The following DACH2 variants were observed in gnomAD, a reference collection of about 807,000 sequenced individuals.
DACH2 encodes the protein dachshund family transcription factor 2.
A neutral mutation model predicts 35.8 loss-of-function variants in DACH2; 17 were observed. The observed-to-expected ratio is 0.48, with a 90% confidence interval of 0.33 to 0.71. DACH2 has a LOEUF of 0.71. Ranked by LOEUF, DACH2 falls within the 30% of genes least tolerant of loss-of-function variation. DACH2 has a pLI of 0.02. For synonymous variants in DACH2, 195 were observed against 177.3 expected (o/e 1.10, Z -0.79); for missense variants, 469 against 472.7 (o/e 0.99, Z 0.07).
chrX:86,775,788 G>A (rs1325946674), intron 7 of DACH2, among the ~76,000 whole-genome samples: 2 of 112,082 alleles, frequency 1.8e-5, no homozygotes, highest in Non-Finnish European at 3.8e-5. Context: ...CATCAAAAAT[G>A]TTTTTTAAAA....
chrX:86,157,969 T>G (rs982503030), intron 1 of DACH2, among the ~76,000 whole-genome samples: 1 of 110,943 alleles, frequency 9.0e-6, no homozygotes, highest in African/African-American at 3.3e-5. Flanking sequence ...GGTATATAGG[T>G]GCAATTACAG....
intron 4 of DACH2, among the ~76,000 whole-genome samples, chrX:86,684,499 T>C (rs1438441353): frequency 4.5e-5 from 5 of 111,101 alleles, no homozygotes; most frequent in African/African-American, 9.8e-5. Flanking sequence ...AATTATGTTA[T>C]GGGTAGGAAA....
intron 1 of DACH2, among the ~76,000 whole-genome samples, chrX:86,242,424 T>G (rs1048754173): frequency 8.9e-6 from 1 of 112,363 alleles, no homozygotes; most frequent in Non-Finnish European, 1.9e-5. Flanking sequence ...TTCTCCGTTT[T>G]GGAATGGTAG....
At chrX:86,261,086 C>A (rs780624982) in intron 1 of DACH2, among the ~76,000 whole-genome samples, 1 of 112,001 alleles carries the variant, frequency 8.9e-6, no homozygotes, top group South Asian at 3.7e-4. Context: ...GTCAGTGATT[C>A]AAATCCAGCT....
chrX:86,459,672 T>C (rs1602543875), intron 2 of DACH2, among the ~76,000 whole-genome samples: 1 of 111,582 alleles, frequency 9.0e-6, no homozygotes, highest in East Asian at 2.8e-4. Context: ...CCTGTAACTT[T>C]TCAGTTTACC....
intron 2 of DACH2, among the ~76,000 whole-genome samples, chrX:86,450,916 TG>T (rs756304364): frequency 9.0e-6 from 1 of 111,515 alleles, no homozygotes; most frequent in East Asian, 2.8e-4. Context: ...TTCATGGGGT[TG>T]TTTTTTTCTT....
At chrX:86,441,806 G>T (rs890362709) in intron 2 of DACH2, among the ~76,000 whole-genome samples, 1 of 105,690 alleles carries the variant, frequency 9.5e-6, no homozygotes, top group Non-Finnish European at 1.9e-5. Context: ...AGCAGCATTT[G>T]CTACTCCTTG....
intron 1 of DACH2, among the ~76,000 whole-genome samples, chrX:86,358,730 G>GA (rs11300879): frequency 6.5e-5 from 7 of 107,373 alleles, no homozygotes; most frequent in South Asian, 4.1e-4. Flanking sequence ...ATTGGTAAAA[G>GA]AAAAAAAAAA....
intron 2 of DACH2, among the ~76,000 whole-genome samples, chrX:86,381,127 CTA>C (rs1424334940): frequency 9.1e-6 from 1 of 109,605 alleles, no homozygotes; most frequent in Non-Finnish European, 1.9e-5. Context: ...AGGTTGTGGG[CTA>C]TGTGTGTCTT....
At chrX:86,337,973 G>C (rs79941963) in intron 1 of DACH2, among the ~76,000 whole-genome samples, 1 of 111,716 alleles carries the variant, frequency 9.0e-6, no homozygotes, top group African/African-American at 3.3e-5. Flanking sequence ...AGACAAAGAA[G>C]GGCATTACAT....
At chrX:86,658,436 A>C (rs1301843263) in intron 4 of DACH2, among the ~76,000 whole-genome samples, 1 of 111,540 alleles carries the variant, frequency 9.0e-6, no homozygotes, top group Admixed American at 9.5e-5. Flanking sequence ...GAATATTCTT[A>C]TGCAAGAACC....
At chrX:86,496,722 G>T (rs751405915) in intron 2 of DACH2, among the ~76,000 whole-genome samples, 2 of 110,190 alleles carry the variant, frequency 1.8e-5, no homozygotes, top group Admixed American at 9.8e-5. Context: ...ATTACTTACA[G>T]AATTCAGGTC....
chrX:86,155,167 T>G (rs1175855506), intron 1 of DACH2, among the ~76,000 whole-genome samples: 2 of 110,884 alleles, frequency 1.8e-5, no homozygotes, highest in Non-Finnish European at 3.8e-5. Context: ...AGGGTGTTAG[T>G]TTTTAAATCC....
intron 4 of DACH2, among the ~76,000 whole-genome samples, chrX:86,685,165 T>C (rs1470317610): frequency 1.8e-5 from 2 of 111,739 alleles, no homozygotes; most frequent in Non-Finnish European, 3.8e-5. Flanking sequence ...GAGGTTGTAT[T>C]GTGTTGTTCA....
intron 2 of DACH2, among the ~76,000 whole-genome samples, chrX:86,493,068 C>A (rs1281123176): frequency 9.0e-6 from 1 of 111,704 alleles, no homozygotes; most frequent in Non-Finnish European, 1.9e-5. Context: ...CCATTCCCAC[C>A]AACAGTCTGT....
At chrX:86,167,966 C>T (rs1012456810) in intron 1 of DACH2, among the ~76,000 whole-genome samples, 1 of 111,620 alleles carries the variant, frequency 9.0e-6, no homozygotes, top group Non-Finnish European at 1.9e-5. Flanking sequence ...AACATATGGT[C>T]TGTCCTTGAG....
At chrX:86,177,506 T>G (rs770339155) in intron 1 of DACH2, among the ~76,000 whole-genome samples, 8 of 112,029 alleles carry the variant, frequency 7.1e-5, no homozygotes, top group Non-Finnish European at 1.5e-4. Flanking sequence ...GGTTCTCATG[T>G]GAAATCATTG....
intron 3 of DACH2, among the ~76,000 whole-genome samples, chrX:86,523,615 G>A (rs1161131287): frequency 9.0e-6 from 1 of 110,738 alleles, no homozygotes. Context: ...TGTGGGCAGG[G>A]GACTGAAAAA....
intron 6 of DACH2, among the ~76,000 whole-genome samples, chrX:86,723,005 C>T (rs779438285): frequency 2.3e-4 from 26 of 111,722 alleles, no homozygotes; most frequent in African/African-American, 7.5e-4. Flanking sequence ...TCCCGCTACT[C>T]ATTATTGTTC....
Sources: gnomAD v4.1 joint callset for allele counts (sites outside exome capture counted in the v4.1 genomes callset) on GRCh38, gnomAD v4.1.1 for gene constraint, MANE v1.5 for transcripts, NCBI Gene and HGNC (gene_info 2026-07-23, HGNC 2026-07-21) for gene names.